The following PLB1 variants were observed in gnomAD, a reference collection of about 807,000 sequenced individuals.
PLB1 encodes the protein phospholipase B1, also known as phospholipase B1, membrane-associated.
A neutral mutation model predicts 227.4 loss-of-function variants in PLB1; 242 were observed. The observed-to-expected ratio is 1.06, with a 90% confidence interval of 0.96 to 1.18. The LOEUF (loss-of-function observed/expected upper bound fraction) is 1.18. Among genes scored for constraint, PLB1 ranks in the 50% most tolerant of loss-of-function variants. The pLI is 0.00. For missense variants in PLB1, 1,858 were observed against 1,816.3 expected (o/e 1.02, Z -0.42); for synonymous variants, 757 against 682.2 (o/e 1.11, Z -1.71).
chr2:28,501,882 T>C lies in PLB1; in HGVS notation c.55+5713T>C, dbSNP rs183530566. On this transcript the variant is annotated intron_variant, in intron 1 of 57. Transcript: ENST00000327757. ...GCCTCCCAACATGGCCATTAGGTTG[T>C]TTCCAATATTTTGCTATTACAAATA... 3.3e-5 allele frequency among the ~76,000 whole-genome samples: 5 copies of C among 152,288 alleles called. No individual in the cohort carries two copies. In the East Asian group the frequency reaches 9.6e-4, roughly 29 times the overall value.
chr2:28,515,774 TG>T (rs1298274233), intron 1 of PLB1, among the ~76,000 whole-genome samples: 1 of 152,194 alleles, frequency 6.6e-6, no homozygotes, highest in African/African-American at 2.4e-5. Flanking sequence ...AGATGTACCC[TG>T]GGCAGGCATT....
intron 1 of PLB1, among the ~76,000 whole-genome samples, chr2:28,515,227 C>T (rs1294627251): frequency 1.3e-5 from 2 of 152,148 alleles, no homozygotes; most frequent in East Asian, 1.9e-4. Flanking sequence ...ATTCCACTCC[C>T]CCTGGAGTGA....
At chr2:28,641,319 G>A (rs574476265) in intron 57 of PLB1, among the ~76,000 whole-genome samples, 1 of 152,174 alleles carries the variant, frequency 6.6e-6, no homozygotes, top group Non-Finnish European at 1.5e-5. Context: ...TCTTAAAAGT[G>A]CACCAAGGCC....
chr2:28,589,850 C>T, intron 28 of PLB1, 80 bp downstream of exon 28: 1 of 1,442,070 alleles, frequency 6.9e-7, no homozygotes, highest in Admixed American at 1.7e-5. Context: ...ACCTCGGAGG[C>T]CCATCGTGCA....
intron 11 of PLB1, among the ~76,000 whole-genome samples, chr2:28,539,919 C>T (rs1331469185): frequency 6.6e-6 from 1 of 151,334 alleles, no homozygotes; most frequent in African/African-American, 2.4e-5. Context: ...TATCTACCCC[C>T]CAGGAAAAGC....
intron 11 of PLB1, 94 bp from the exon 12 acceptor site, chr2:28,540,272 A>T (rs1306496065): frequency 1.0e-6 from 1 of 987,380 alleles, no homozygotes; most frequent in East Asian, 2.5e-5. Flanking sequence ...AGCAACTCCT[A>T]TGCCCCTTCT....
At position 28,568,686 on chromosome 2, in the gene PLB1, C is replaced by T. The variant is rs554768524; in HGVS notation, c.1324+1847C>T. 2.6e-5 allele frequency among the ~76,000 whole-genome samples: 4 copies of T among 152,176 alleles called. No individual in the cohort carries two copies. The South Asian group carries it at 6.2e-4, about 24-fold the overall frequency. ...CTTTGGCAGCATGTCTTCCTAAAGA[C>T]AGACACATGACTAATATTTATAGAT... On this transcript the variant is annotated intron_variant, in intron 20 of 57. Coordinates refer to ENST00000327757, the MANE Select transcript of PLB1 (RefSeq NM_153021.5).
intron 11 of PLB1, among the ~76,000 whole-genome samples, chr2:28,539,665 AAGTC>A (rs1364992781): frequency 2.0e-5 from 3 of 152,170 alleles, no homozygotes; most frequent in South Asian, 2.1e-4. Context: ...CATGTGGAAA[AAGTC>A]AGGGCAAGGG....
At chr2:28,555,907 C>T (rs1275254787) in intron 17 of PLB1, among the ~76,000 whole-genome samples, 4 of 135,968 alleles carry the variant, frequency 2.9e-5, no homozygotes, top group Non-Finnish European at 6.1e-5. Flanking sequence ...CTCAGTCTGT[C>T]GCCCAGGCTG....
rs915927346 is a variant in PLB1, at chr2:28,643,993, G to T, written c.*932G>T. On this transcript the variant is annotated 3_prime_UTR_variant, in exon 58 of 58. Transcript: ENST00000327757. ...TTATGCTGCACAAAAGCCCAGGGAGGGGGTAAAGGGAAAATCTTTGAAAAT... is the reference window on the plus strand; with the variant it reads ...TTATGCTGCACAAAAGCCCAGGGAGTGGGTAAAGGGAAAATCTTTGAAAAT... 6.6e-6 allele frequency among the ~76,000 whole-genome samples: 1 copy of T among 152,234 alleles called. No homozygotes were observed. The highest frequency in any genetic ancestry group is 2.4e-5 in the African/African-American group (1 of 41,460).
At position 28,593,671 on chromosome 2, in the gene PLB1, A is replaced by G; in HGVS notation, c.2248-10A>G. The G allele has an allele frequency of 1.2e-6, 2 of 1,613,588 alleles. No homozygotes were observed. The highest frequency in any genetic ancestry group is 1.7e-6 in the Non-Finnish European group (2 of 1,179,650). ...CTAATTTTCCTATGGACTCTGGTAT[A>G]TTTTCAAAGGCTGGCAATGGAATTG... On this transcript the variant is annotated splice_polypyrimidine_tract_variant and intron_variant, in intron 32 of 57. Transcript: ENST00000327757.
intron 53 of PLB1, among the ~76,000 whole-genome samples, chr2:28,629,995 A>G (rs533004712): frequency 2.2e-4 from 34 of 151,978 alleles, no homozygotes; most frequent in Non-Finnish European, 2.5e-4. Context: ...TTTGCAGGGA[A>G]CCCTGCTCTC....
At position 28,599,730 on chromosome 2, in the gene PLB1, C is replaced by G. The variant is rs57790092; in HGVS notation, c.2474+970C>G. ...CTCCCAGGTTCAAGTGATTCTTGTG[C>G]CTCAGCCTCCGAGTAGCTGGGATTA... On this transcript the variant is annotated intron_variant, in intron 35 of 57. Coordinates refer to ENST00000327757, the MANE Select transcript of PLB1 (RefSeq NM_153021.5). Among the ~76,000 whole-genome samples the G allele has an allele frequency of 9.4e-3, 1,427 of 152,282 alleles. 17 individuals carry two copies. The highest frequency in any genetic ancestry group is 0.032 in the African/African-American group (1,331 of 41,538).
intron 50 of PLB1, among the ~76,000 whole-genome samples, chr2:28,625,944 A>C (rs1381970400): frequency 2.0e-5 from 3 of 148,198 alleles, no homozygotes; most frequent in Non-Finnish European, 4.5e-5. Flanking sequence ...CTCTCTGTGG[A>C]GCACCTTATC....
chr2:28,630,554 G>C, intron 53 of PLB1, 32 bp from the exon 54 acceptor site: 14 of 1,593,918 alleles, frequency 8.8e-6, no homozygotes, highest in Non-Finnish European at 1.2e-5. Flanking sequence ...AGTGCCCCAG[G>C]CAGCCTCAAT....
Position 28,573,208 on chromosome 2 carries a change from G to C in PLB1, c.1336G>C (p.Glu446Gln). The C allele has an allele frequency of 6.2e-7, 1 of 1,613,656 alleles. No individual in the cohort carries two copies. The highest frequency in any genetic ancestry group is 8.5e-7 in the Non-Finnish European group (1 of 1,179,602). Residue 446 changes from glutamate (E) to glutamine (Q), a missense_variant, in exon 21 of 58, where the codon GAA (glutamate) becomes CAA (glutamine). By Grantham distance (29) the Glu-to-Gln change is conservative (BLOSUM62 2). Transcript: ENST00000327757. Reference protein sequence around the residue: ...TVTTLANILREFNPSLKGFSV... With the variant: ...TVTTLANILRQFNPSLKGFSV... Reference sequence around the variant, plus strand: ...CCTTGTATTTGCAGACATCCTCCGGGAATTCAACCCTTCCCTGAAGGGCTT... The same window carrying C: ...CCTTGTATTTGCAGACATCCTCCGGCAATTCAACCCTTCCCTGAAGGGCTT...
Position 28,537,360 on chromosome 2 carries a change from G to T in PLB1, c.556-959G>T, listed in dbSNP as rs6748800. 1.7e-3 allele frequency among the ~76,000 whole-genome samples: 266 copies of T among 152,282 alleles called. 1 individual carries two copies. The highest frequency in any genetic ancestry group is 6.8e-3 in the Middle Eastern group (2 of 294). On this transcript the variant is annotated intron_variant, in intron 9 of 57. Coordinates refer to ENST00000327757, the MANE Select transcript of PLB1 (RefSeq NM_153021.5). ...TGCTGTTTGTTAGGGGACAAACTTA[G>T]AAGTTTGTCTTGTAATTTTTATTAT...
At chr2:28,547,325 G>C (rs955223014) in intron 14 of PLB1, among the ~76,000 whole-genome samples, 18 of 152,184 alleles carry the variant, frequency 1.2e-4, no homozygotes, top group Non-Finnish European at 2.1e-4. Context: ...GTTCCAGGTG[G>C]GACCTTGTTT....
Position 28,578,130 on chromosome 2 carries a change from G to C in PLB1, c.1457G>C (p.Arg486Thr). Reference protein sequence around the residue: ...RAEDLPVQARRLVDLMKNDTR... With the variant: ...RAEDLPVQARTLVDLMKNDTR... ...AGGGATCTACCTGTCCAGGCCAGGA[G>C]GCTGGTGGACCTGATGAAGAATGAC... is the stretch of plus-strand genomic sequence containing the variant. The change falls in exon 22 of 58, where the codon AGG becomes ACG. Residue 486 changes from arginine (R) to threonine (T), a missense_variant. By Grantham distance (71) the Arg-to-Thr change is moderately conservative. Transcript: ENST00000327757. 3 of 1,614,196 alleles carry C rather than the reference G, an allele frequency of 1.9e-6. No individual in the cohort carries two copies.
Sources: gnomAD v4.1 joint callset for allele counts (sites outside exome capture counted in the v4.1 genomes callset) on GRCh38, gnomAD v4.1.1 for gene constraint, MANE v1.5 for transcripts, NCBI Gene and HGNC (gene_info 2026-07-23, HGNC 2026-07-21) for gene names.